The following GBF1 variants were observed in gnomAD, a reference collection of about 807,000 sequenced individuals.
The protein encoded by GBF1 is golgi brefeldin A resistant guanine nucleotide exchange factor 1, also known as Golgi-specific brefeldin A-resistance guanine nucleotide exchange factor 1.
In GBF1, 114 loss-of-function variants were observed where a neutral mutation model predicts 210.5. The observed-to-expected ratio is 0.54, with a 90% CI of 0.47 to 0.63. The LOEUF (loss-of-function observed/expected upper bound fraction) is 0.63. GBF1 is among the 30% of genes least tolerant of loss of function. The pLI, the probability that GBF1 is intolerant of heterozygous loss-of-function variation, is 0.00. For missense variants in GBF1, 1,851 were observed against 2,357.7 expected (o/e 0.79, Z 4.45); for synonymous variants, 850 against 889.2 (o/e 0.96, Z 0.78).
intron 3 of GBF1, among the ~76,000 whole-genome samples, chr10:102,341,627 A>C (rs917736568): frequency 6.6e-6 from 1 of 152,258 alleles, no homozygotes; most frequent in Non-Finnish European, 1.5e-5. Flanking sequence ...CAAGCTATTG[A>C]TATATGCAAT....
chr10:102,294,005 C>G (rs976248703), intron 3 of GBF1, among the ~76,000 whole-genome samples: 10 of 151,652 alleles, frequency 6.6e-5, no homozygotes, highest in African/African-American at 2.4e-4. Context: ...GTCTCGATCT[C>G]CTGACCTCAT....
At chr10:102,323,259 A>AG (rs1554964092) in intron 3 of GBF1, among the ~76,000 whole-genome samples, 6 of 151,116 alleles carry the variant, frequency 4.0e-5, no homozygotes, top group African/African-American at 9.7e-5. Context: ...AAAAAAAAAA[A>AG]AAGAAGAAGA....
At chr10:102,299,794 A>T (rs532442344) in intron 3 of GBF1, among the ~76,000 whole-genome samples, 22 of 152,342 alleles carry the variant, frequency 1.4e-4, no homozygotes, top group African/African-American at 4.3e-4. Context: ...CAAAAAAATT[A>T]AAAAATAAAT....
intron 3 of GBF1, among the ~76,000 whole-genome samples, chr10:102,313,340 T>TA (rs1464836036): frequency 1.3e-5 from 2 of 152,060 alleles, no homozygotes; most frequent in Admixed American, 1.3e-4. Context: ...TGTGGGCCCT[T>TA]ACGTGAAAGA....
At chr10:102,304,780 A>AAAG (rs1399173008) in intron 3 of GBF1, among the ~76,000 whole-genome samples, 1 of 151,990 alleles carries the variant, frequency 6.6e-6, no homozygotes, top group African/African-American at 2.4e-5. Context: ...TCTCAAAAAA[A>AAAG]AAAGAAAGAA....
intron 12 of GBF1, among the ~76,000 whole-genome samples, chr10:102,360,702 G>A (rs2059547613): frequency 6.6e-6 from 1 of 152,216 alleles, no homozygotes; most frequent in African/African-American, 2.4e-5. Flanking sequence ...GCCGGGCTGG[G>A]TGCAGTGGCT....
intron 3 of GBF1, among the ~76,000 whole-genome samples, chr10:102,303,695 G>T (rs1003515227): frequency 6.6e-6 from 1 of 152,182 alleles, no homozygotes; most frequent in African/African-American, 2.4e-5. Context: ...CATTAAAATT[G>T]TGAAGGACTT....
intron 33 of GBF1, 60 bp downstream of exon 33, chr10:102,377,200 C>A (rs11816268): frequency 1.4e-6 from 2 of 1,438,074 alleles, no homozygotes; most frequent in Admixed American, 3.4e-5. Context: ...GAGCCTGGGG[C>A]GGCCAGGGAA....
chr10:102,344,466 G>GTTAT (rs2058397729), intron 4 of GBF1, among the ~76,000 whole-genome samples: 1 of 83,276 alleles, frequency 1.2e-5, no homozygotes, highest in Admixed American at 1.1e-4. Context: ...GTTTGGTTAG[G>GTTAT]TTTGTTTGTT....
Position 102,359,313 on chromosome 10 carries a change from C to A in GBF1, c.1058C>A (p.Ser353Tyr). The A allele has an allele frequency of 5.6e-6, 9 of 1,611,604 alleles. No homozygotes were observed. Among genetic ancestry groups the A allele is most frequent in the Non-Finnish European group, 6.8e-6 (8 of 1,177,684 alleles). Residue 353 changes from serine to tyrosine, a missense_variant, in exon 11 of 40, where the codon TCC (serine) becomes TAC (tyrosine). Coordinates refer to ENST00000369983, the MANE Select transcript of GBF1 (RefSeq NM_001377137.1). ...AAGTCCCAGTCAGCATCTGTGGAGT[C>A]CATCCCTGAAGTGTTAGAGGAGTGC... ...VEKSQSASVE[S>Y]IPEVLEECTS...
intron 3 of GBF1, among the ~76,000 whole-genome samples, chr10:102,305,127 G>A (rs1388112099): frequency 6.6e-6 from 1 of 151,918 alleles, no homozygotes; most frequent in Non-Finnish European, 1.5e-5. Flanking sequence ...CTGGGATCCA[G>A]CAATGGGCTT....
upstream of GBF1, chr10:102,245,449 G>A (rs978690573): frequency 2.0e-5 from 3 of 152,238 alleles, no homozygotes; most frequent in Non-Finnish European, 4.4e-5. Context: ...TAGTCGGAAT[G>A]CTACTTTTCA....
At chr10:102,332,715 A>T (rs1353159078) in intron 3 of GBF1, among the ~76,000 whole-genome samples, 1 of 152,104 alleles carries the variant, frequency 6.6e-6, no homozygotes, top group Admixed American at 6.6e-5. Context: ...AGTGGTTGGT[A>T]CCATTATCTT....
In GBF1 at chr10:102,370,837, C is replaced by G. The variant is rs770594169; in HGVS notation, c.3637C>G (p.Arg1213Gly). Residue 1213 changes from arginine (R) to glycine (G), a missense_variant, in exon 29 of 40, where the codon CGG (arginine) becomes GGG (glycine). Arg to Gly is a moderately radical substitution (Grantham distance 125). Around this residue, in one of 3 missense-constraint regions of GBF1, gnomAD observed 967 missense variants for 1,247.7 expected, o/e 0.78. Transcript: ENST00000369983. ...GCTACGCCTGGCCATTCGGCTTCTC[C>G]GGAGAGAAGAGATCAGTGCTCAGGT... ...GLLRLAIRLL[R>G]REEISAQVLL... is the part of the protein sequence containing the mutation. The G allele has an allele frequency of 1.2e-6, 2 of 1,614,058 alleles. No individual in the cohort carries two copies. The highest frequency in any genetic ancestry group is 2.2e-5 in the South Asian group (2 of 91,074).
In GBF1 at chr10:102,381,130, C is replaced by G; in HGVS notation, c.5177C>G (p.Pro1726Arg). 6.2e-7 allele frequency: 1 copy of G among 1,613,898 alleles called. No individual in the cohort carries two copies. Among genetic ancestry groups the G allele is most frequent in the African/African-American group, 1.3e-5 (1 of 75,054 alleles). ...CTCAATTCTCTACCGTCTCCAGACC[C>G]CATGCCCATGGAGCCTCAAGGCCAA... ...ELFKQTVIQD[P>R]MPMEPQGQKP... Residue 1726 changes from proline (P) to arginine (R), a missense_variant, in exon 39 of 40, where the codon CCC becomes CGC. Physicochemically the swap from Pro to Arg is moderately radical, Grantham distance 103. Transcript: ENST00000369983.
chr10:102,380,430 C>T (rs1490801874), intron 37 of GBF1, 68 bp downstream of exon 37: 2 of 1,582,606 alleles, frequency 1.3e-6, no homozygotes, highest in Non-Finnish European at 1.7e-6. Flanking sequence ...CCCTTTCCCC[C>T]TTGGTAGCTA....
rs1171679350 is a variant in GBF1 at position 102,288,450 on chromosome 10, G to A, written c.163+28334G>A. Among the ~76,000 whole-genome samples, 9 of 152,258 alleles carry A rather than the reference G, an allele frequency of 5.9e-5. No homozygotes were observed. In the East Asian group the frequency reaches 1.7e-3, roughly 29 times the overall value. On this transcript the variant is annotated intron_variant, in intron 3 of 39. Coordinates refer to ENST00000369983, the MANE Select transcript of GBF1 (RefSeq NM_001377137.1). Reference sequence around the variant, plus strand: ...ATTACGGCCGGGCGCGGTGGCTCACGCCTGTAATCCCAGCACTTTGGGAGG... The same window carrying A: ...ATTACGGCCGGGCGCGGTGGCTCACACCTGTAATCCCAGCACTTTGGGAGG...
chr10:102,252,499 A>G (rs2071689973), intron 1 of GBF1, among the ~76,000 whole-genome samples: 1 of 152,188 alleles, frequency 6.6e-6, no homozygotes, highest in African/African-American at 2.4e-5. Context: ...TTCAGAATAG[A>G]AAGGGAGCTT....
chr10:102,254,755 G>A (rs1190339628), intron 1 of GBF1, among the ~76,000 whole-genome samples: 3 of 151,692 alleles, frequency 2.0e-5, no homozygotes, highest in Non-Finnish European at 2.9e-5. Context: ...TTTTTCATTT[G>A]TGTGGGTACA....
Sources: allele counts gnomAD v4.1 joint callset (sites outside exome capture counted in the v4.1 genomes callset), GRCh38; gene constraint gnomAD v4.1.1; regional missense constraint gnomAD v4.1.1; transcripts MANE v1.5; gene names NCBI Gene and HGNC (gene_info 2026-07-23, HGNC 2026-07-21).